SORCS2: variants seen among roughly 807,000 people sequenced by gnomAD.
SORCS2 encodes sortilin related VPS10 domain containing receptor 2.
Under a neutral mutation model 141.6 loss-of-function variants are expected in SORCS2, and 100 were observed. That is an observed-to-expected ratio of 0.71 (90% CI 0.60 to 0.83). SORCS2 has a LOEUF of 0.83. SORCS2 is among the 40% of genes least tolerant of loss of function. The pLI, the probability that SORCS2 is intolerant of heterozygous loss-of-function variation, is 0.00. For synonymous variants in SORCS2, 789 were observed against 676.9 expected, an observed-to-expected ratio of 1.17 and a Z score of -2.57; for missense variants, 1,646 against 1,560.2, an observed-to-expected ratio of 1.05 and a Z score of -0.93.
intron 3 of SORCS2, among the ~76,000 whole-genome samples, chr4:7,594,710 C>A (rs1466062586): frequency 6.6e-6 from 1 of 152,154 alleles, no homozygotes; most frequent in Non-Finnish European, 1.5e-5. Context: ...GGGGCAGAGT[C>A]TTAGTGTCTA....
intron 2 of SORCS2, chr4:7,430,160 C>CCAGGGCT (rs2109220760): frequency 6.6e-6 from 1 of 152,238 alleles, no homozygotes; most frequent in East Asian, 1.9e-4. Context: ...ACGTGCCCCT[C>CCAGGGCT]CAGGGCTCAG....
chr4:7,375,166 C>T (rs901639168), intron 1 of SORCS2, among the ~76,000 whole-genome samples: 1 of 152,150 alleles, frequency 6.6e-6, no homozygotes, highest in Non-Finnish European at 1.5e-5. Context: ...GGGTCATCCC[C>T]ATGAAGTGGA....
intron 3 of SORCS2, among the ~76,000 whole-genome samples, chr4:7,544,761 C>G (rs576106814): frequency 1.3e-5 from 2 of 152,340 alleles, no homozygotes; most frequent in East Asian, 3.9e-4. Flanking sequence ...GAGAACGAAG[C>G]CAGGCTCCTG....
intron 1 of SORCS2, among the ~76,000 whole-genome samples, chr4:7,391,971 C>T (rs929777602): frequency 6.6e-6 from 1 of 152,242 alleles, no homozygotes; most frequent in Non-Finnish European, 1.5e-5. Flanking sequence ...AGAGGAGTGG[C>T]AGCTGCTGCC....
At chr4:7,322,367 A>G (rs577438302) in intron 1 of SORCS2, among the ~76,000 whole-genome samples, 3 of 152,228 alleles carry the variant, frequency 2.0e-5, no homozygotes, top group East Asian at 1.9e-4. Flanking sequence ...TGCTCCCTCT[A>G]TCTGCCTCCT....
rs142256319 is a variant in SORCS2 at position 7,617,770 on chromosome 4, G to C, written c.649-20558G>C. ...GAATCTGACTTGCCCCTCATGGGCTGTGTTTCTAGGGACAAGCCTTGGTGA... is the reference window on the plus strand; with the variant it reads ...GAATCTGACTTGCCCCTCATGGGCTCTGTTTCTAGGGACAAGCCTTGGTGA... On this transcript the variant is annotated intron_variant, in intron 3 of 26. Transcript: ENST00000507866. Among the ~76,000 whole-genome samples the C allele has an allele frequency of 2.9e-3, 445 of 152,292 alleles. 2 individuals carry two copies. The highest frequency in any genetic ancestry group is 0.01 in the African/African-American group (427 of 41,562).
At chr4:7,253,967 A>G (rs1317079755) in intron 1 of SORCS2, among the ~76,000 whole-genome samples, 2 of 152,222 alleles carry the variant, frequency 1.3e-5, no homozygotes, top group African/African-American at 4.8e-5. Context: ...TCAAAACCAC[A>G]ATAAGATATC....
intron 2 of SORCS2, among the ~76,000 whole-genome samples, chr4:7,455,973 C>G (rs1728890144): frequency 6.6e-6 from 1 of 152,168 alleles, no homozygotes; most frequent in Admixed American, 6.5e-5. Flanking sequence ...AGAGTAATTC[C>G]TTTTCTCACA....
chr4:7,266,077 C>CT (rs1306844334), intron 1 of SORCS2, among the ~76,000 whole-genome samples: 7 of 152,154 alleles, frequency 4.6e-5, no homozygotes, highest in Non-Finnish European at 5.9e-5. Flanking sequence ...CTAAATTTCC[C>CT]TTTTTTCTGG....
At chr4:7,314,800 G>GTTTTTTTTTTTTTTTT (rs397880294) in intron 1 of SORCS2, among the ~76,000 whole-genome samples, 1 of 109,832 alleles carries the variant, frequency 9.1e-6, no homozygotes, top group Non-Finnish European at 1.9e-5. Flanking sequence ...CCACTGTTCT[G>GTTTTTTTTTTTTTTTT]TTTTTTTTTT....
At chr4:7,339,041 G>T (rs1426330081) in intron 1 of SORCS2, among the ~76,000 whole-genome samples, 1 of 152,236 alleles carries the variant, frequency 6.6e-6, no homozygotes, top group African/African-American at 2.4e-5. Context: ...GCCAAGACGG[G>T]CTCTTCCATT....
chr4:7,741,439 A>G lies in SORCS2; in HGVS notation c.*1175A>G, dbSNP rs1712663430. On this transcript the variant is annotated 3_prime_UTR_variant, in exon 27 of 27. Coordinates refer to ENST00000507866, the MANE Select transcript of SORCS2 (RefSeq NM_020777.3). The stretch of plus-strand genomic sequence containing the variant: ...AGGGATGTTAGTGTAAGTCTATAGG[A>G]ATATAGGGGGGTGGGGGGGTCACCT... 2 of 94,508 alleles carry G rather than the reference A, an allele frequency of 2.1e-5. No homozygotes were observed. The highest frequency in any genetic ancestry group is 1.4e-4 in the Admixed American group (1 of 7,004). The allele number at this position is 94,508 out of a possible 1,614,324, so 5.9% of individuals were successfully genotyped here. A position where few individuals can be genotyped will look rare whatever the true frequency, so the allele number is the denominator to read the frequency against.
chr4:7,729,180 G>A (rs549684574), intron 22 of SORCS2, among the ~76,000 whole-genome samples: 60 of 152,214 alleles, frequency 3.9e-4, no homozygotes, highest in Admixed American at 1.0e-3. Context: ...GGGGTGTTAG[G>A]GAGTGGGAAG....
chr4:7,477,737 G>A (rs761960544), intron 2 of SORCS2, among the ~76,000 whole-genome samples: 35 of 152,186 alleles, frequency 2.3e-4, no homozygotes, highest in Non-Finnish European at 4.4e-4. Flanking sequence ...GCCCAGTGAA[G>A]CCGGAGAGAA....
chr4:7,640,020 AGT>A (rs977333817), intron 4 of SORCS2, among the ~76,000 whole-genome samples: 2 of 147,198 alleles, frequency 1.4e-5, no homozygotes, highest in African/African-American at 5.0e-5. Flanking sequence ...TGTCTGTGGG[AGT>A]GTGTACGTGA....
intron 1 of SORCS2, among the ~76,000 whole-genome samples, chr4:7,344,782 A>G (rs996198887): frequency 3.9e-5 from 6 of 152,172 alleles, no homozygotes; most frequent in African/African-American, 9.7e-5. Flanking sequence ...AATAAACCCC[A>G]TACTGCACCT....
intron 3 of SORCS2, among the ~76,000 whole-genome samples, chr4:7,566,512 A>C (rs2109694894): frequency 6.6e-6 from 1 of 152,346 alleles, no homozygotes; most frequent in Non-Finnish European, 1.5e-5. Flanking sequence ...GAAACTGACT[A>C]TCAGAGGCCA....
chr4:7,681,982 T>G (rs1328666360), intron 9 of SORCS2, among the ~76,000 whole-genome samples: 1 of 152,148 alleles, frequency 6.6e-6, no homozygotes, highest in African/African-American at 2.4e-5. Context: ...TAGTGGGTCT[T>G]GATAAATACG....
chr4:7,423,558 G>T, intron 2 of SORCS2, among the ~76,000 whole-genome samples: 1 of 152,272 alleles, frequency 6.6e-6, no homozygotes, highest in African/African-American at 2.4e-5. Context: ...GGTGTTACTG[G>T]TGTGCACCAC....
Sources: allele counts gnomAD v4.1 joint callset (sites outside exome capture counted in the v4.1 genomes callset), GRCh38; gene constraint gnomAD v4.1.1; transcripts MANE v1.5; gene names NCBI Gene and HGNC (gene_info 2026-07-23, HGNC 2026-07-21).